RAP1A: variants seen among roughly 807,000 people sequenced by gnomAD.
RAP1A encodes the protein RAP1A, member of RAS oncogene family.
Under a neutral mutation model 26.4 loss-of-function variants are expected in RAP1A, and 6 were observed. That is an observed-to-expected ratio of 0.23 (90% CI 0.12 to 0.45). The LOEUF is 0.45. Among genes scored for constraint, RAP1A ranks in the 20% least tolerant of loss-of-function variants. The pLI is 0.99. For missense variants in RAP1A, 121 were observed against 217.2 expected (o/e 0.56, Z 2.78); for synonymous variants, 73 against 79.4 (o/e 0.92, Z 0.43).
intron 3 of RAP1A, 119 bp downstream of exon 3, chr1:111,695,528 G>GT (rs1661801136): frequency 3.1e-6 from 2 of 635,288 alleles, no homozygotes; most frequent in Non-Finnish European, 5.0e-6. Context: ...TTGTGCATCT[G>GT]TTTTTAAAAG....
chr1:111,626,910 G>T (rs1445286233), intron 1 of RAP1A, among the ~76,000 whole-genome samples: 1 of 152,004 alleles, frequency 6.6e-6, no homozygotes, highest in Non-Finnish European at 1.5e-5. Flanking sequence ...AGTTTTGGAT[G>T]ACATTCTTTA....
chr1:111,688,822 G>GTTTTTTTT (rs767753356), intron 1 of RAP1A, among the ~76,000 whole-genome samples: 18 of 90,054 alleles, frequency 2.0e-4, no homozygotes, highest in Non-Finnish European at 3.5e-4. Context: ...TTTTTTTTTT[G>GTTTTTTTT]TTTTTTTTTT....
intron 1 of RAP1A, among the ~76,000 whole-genome samples, chr1:111,607,397 TC>T (rs1330211882): frequency 6.6e-6 from 1 of 152,132 alleles, no homozygotes; most frequent in Non-Finnish European, 1.5e-5. Context: ...ATGAAAAGTC[TC>T]CCATGTCTAC....
chr1:111,550,993 C>T (rs987289021), intron 1 of RAP1A, among the ~76,000 whole-genome samples: 5 of 152,146 alleles, frequency 3.3e-5, no homozygotes, highest in African/African-American at 7.2e-5. Context: ...TTCTTTGTCT[C>T]TCATGACAAT....
intron 6 of RAP1A, among the ~76,000 whole-genome samples, chr1:111,707,722 G>A (rs1013673622): frequency 6.6e-6 from 1 of 152,136 alleles, no homozygotes; most frequent in Non-Finnish European, 1.5e-5. Flanking sequence ...CAAATCATTA[G>A]TAAGTGTTGT....
intron 1 of RAP1A, among the ~76,000 whole-genome samples, chr1:111,584,961 ATTT>A (rs1321002818): frequency 6.6e-6 from 1 of 152,170 alleles, no homozygotes; most frequent in South Asian, 2.1e-4. Flanking sequence ...TTTCATCTTC[ATTT>A]TCACACCCTT....
intron 1 of RAP1A, among the ~76,000 whole-genome samples, chr1:111,644,819 G>T (rs1044253549): frequency 3.9e-5 from 6 of 152,106 alleles, no homozygotes. Flanking sequence ...TTGAAATTTT[G>T]AAATTTTGGG....
At chr1:111,685,810 A>G (rs1661454887) in intron 1 of RAP1A, among the ~76,000 whole-genome samples, 1 of 152,232 alleles carries the variant, frequency 6.6e-6, no homozygotes, top group Non-Finnish European at 1.5e-5. Flanking sequence ...TTCTACTATA[A>G]AGACACATGC....
At chr1:111,595,510 T>G (rs1658550104) in intron 1 of RAP1A, among the ~76,000 whole-genome samples, 1 of 152,218 alleles carries the variant, frequency 6.6e-6, no homozygotes, top group Non-Finnish European at 1.5e-5. Flanking sequence ...AAAAAAACAG[T>G]AAAACAAAGG....
chr1:111,629,760 G>C (rs940637573), intron 1 of RAP1A, among the ~76,000 whole-genome samples: 2 of 152,118 alleles, frequency 1.3e-5, no homozygotes, highest in African/African-American at 4.8e-5. Flanking sequence ...TGTTTTTCCT[G>C]TGTGAATCTG....
chr1:111,695,265 T>C (rs552008208), intron 2 of RAP1A, 76 bp from the exon 3 acceptor site: 3 of 1,065,016 alleles, frequency 2.8e-6, no homozygotes, highest in South Asian at 3.3e-5. Context: ...AATTAATCAT[T>C]ATAATTTGTA....
At chr1:111,560,322 A>G (rs1045211136) in intron 1 of RAP1A, among the ~76,000 whole-genome samples, 1 of 151,922 alleles carries the variant, frequency 6.6e-6, no homozygotes, top group African/African-American at 2.4e-5. Context: ...GGGCAGAGGT[A>G]GATGGTCCTG....
chr1:111,560,387 TAA>T (rs765962100), intron 1 of RAP1A, among the ~76,000 whole-genome samples: 5 of 151,794 alleles, frequency 3.3e-5, no homozygotes, highest in Non-Finnish European at 7.4e-5. Flanking sequence ...TGATATTCAC[TAA>T]GTTCTTAACA....
At chr1:111,582,721 T>C (rs1368749892) in intron 1 of RAP1A, among the ~76,000 whole-genome samples, 1 of 152,228 alleles carries the variant, frequency 6.6e-6, no homozygotes, top group African/African-American at 2.4e-5. Context: ...TCAGGCTTTT[T>C]AATAATTTAT....
At chr1:111,612,579 A>T (rs1658942582) in intron 1 of RAP1A, among the ~76,000 whole-genome samples, 1 of 152,200 alleles carries the variant, frequency 6.6e-6, no homozygotes. Context: ...CTAAGCTGAA[A>T]ATATAGAAAC....
intron 1 of RAP1A, among the ~76,000 whole-genome samples, chr1:111,656,826 A>T (rs912975505): frequency 1.3e-5 from 2 of 149,090 alleles, no homozygotes; most frequent in Non-Finnish European, 3.0e-5. Flanking sequence ...ATTGTGTTGT[A>T]TTTTTTTATA....
intron 1 of RAP1A, among the ~76,000 whole-genome samples, chr1:111,578,659 G>C (rs978661947): frequency 3.3e-5 from 5 of 152,012 alleles, no homozygotes; most frequent in African/African-American, 1.2e-4. Context: ...ACACTTCTTA[G>C]ACCAGATGTG....
intron 1 of RAP1A, among the ~76,000 whole-genome samples, chr1:111,607,064 C>T (rs1247078029): frequency 1.3e-5 from 2 of 149,058 alleles, no homozygotes; most frequent in South Asian, 4.3e-4. Flanking sequence ...GGGTGTTTCT[C>T]GCAGAGGGGG....
intron 1 of RAP1A, chr1:111,604,493 C>T (rs1658732934): frequency 6.6e-6 from 1 of 152,182 alleles, no homozygotes; most frequent in Admixed American, 6.5e-5. Context: ...CACAGTTCAG[C>T]TTATACCCTT....
Sources: gnomAD v4.1 joint callset for allele counts (sites outside exome capture counted in the v4.1 genomes callset) on GRCh38, gnomAD v4.1.1 for gene constraint, MANE v1.5 for transcripts, NCBI Gene and HGNC (gene_info 2026-07-23, HGNC 2026-07-21) for gene names.